Variants in NXPH2 observed in about 807,000 individuals in gnomAD.
The protein encoded by NXPH2 is neurexophilin-2.
NXPH2 carries 5 observed loss-of-function variants against 19.8 expected under a neutral mutation model. The observed-to-expected ratio is 0.25, with a 90% CI of 0.13 to 0.53. The LOEUF (loss-of-function observed/expected upper bound fraction) is 0.53, where lower values mean the gene tolerates loss of function less well. Ranked by LOEUF, NXPH2 falls within the 20% of genes least tolerant of loss-of-function variation. NXPH2 has a pLI of 0.96. For missense variants in NXPH2, 289 were observed against 322.8 expected (o/e 0.90, Z 0.80); for synonymous variants, 154 against 127.4 (o/e 1.21, Z -1.41).
intron 1 of NXPH2, among the ~76,000 whole-genome samples, chr2:138,749,031 A>G (rs555828732): frequency 6.6e-6 from 1 of 152,238 alleles, no homozygotes; most frequent in South Asian, 2.1e-4. Context: ...TTATTTCATT[A>G]GTGATATTGT....
intron 1 of NXPH2, among the ~76,000 whole-genome samples, chr2:138,772,592 C>A (rs1175697601): frequency 6.6e-6 from 1 of 152,196 alleles, no homozygotes; most frequent in Non-Finnish European, 1.5e-5. Context: ...CCACCGCGCC[C>A]GGCCCATGAG....
chr2:138,727,644 C>T (rs547057275), intron 1 of NXPH2, among the ~76,000 whole-genome samples: 20 of 135,974 alleles, frequency 1.5e-4, no homozygotes, highest in Non-Finnish European at 2.4e-4. Context: ...GGATAATAGT[C>T]CTTTATCGGT....
chr2:138,760,021 GC>G (rs1397818890), intron 1 of NXPH2, among the ~76,000 whole-genome samples: 1 of 152,100 alleles, frequency 6.6e-6, no homozygotes, highest in Non-Finnish European at 1.5e-5. Flanking sequence ...GTGCCACAGA[GC>G]CCGGCCGCCA....
chr2:138,757,854 T>G (rs2104837223), intron 1 of NXPH2, among the ~76,000 whole-genome samples: 1 of 150,892 alleles, frequency 6.6e-6, no homozygotes, highest in South Asian at 2.1e-4. Context: ...TCTATCTATC[T>G]ATCTATCTAT....
rs558833211 is a variant in NXPH2 at position 138,671,094 on chromosome 2, G to T, written c.623C>A (p.Ser208Tyr). The T allele has an allele frequency of 6.2e-7, 1 of 1,613,962 alleles. No individual in the cohort carries two copies. Among genetic ancestry groups the T allele is most frequent in the Non-Finnish European group, 8.5e-7 (1 of 1,179,866 alleles). ...AGTCTGCTCCTGGTAGCAGATCTTGGATGGGTCAAAGTTGCACAGGGCGGT... is the reference window on the plus strand; with the variant it reads ...AGTCTGCTCCTGGTAGCAGATCTTGTATGGGTCAAAGTTGCACAGGGCGGT... ...KKTALCNFDP[S>Y]KICYQEQTQS... is the part of the protein sequence containing the mutation. Residue 208 changes from serine to tyrosine, a missense_variant, in exon 2 of 2, where the codon TCC (serine) becomes TAC (tyrosine). Coordinates refer to ENST00000272641, the MANE Select transcript of NXPH2 (RefSeq NM_007226.3).
intron 1 of NXPH2, among the ~76,000 whole-genome samples, chr2:138,770,654 A>T (rs1682162528): frequency 6.6e-6 from 1 of 152,076 alleles, no homozygotes; most frequent in African/African-American, 2.4e-5. Flanking sequence ...TAAACATACA[A>T]AAATAAATAG....
At chr2:138,676,495 C>A (rs1680486070) in intron 1 of NXPH2, among the ~76,000 whole-genome samples, 1 of 152,144 alleles carries the variant, frequency 6.6e-6, no homozygotes. Context: ...CCCATGTATT[C>A]CCAATAGGGA....
Position 138,780,346 on chromosome 2 carries a change from G to C in NXPH2, c.-105C>G, listed in dbSNP as rs1434429313. On this transcript the variant is annotated 5_prime_UTR_variant, in exon 1 of 2. Coordinates refer to ENST00000272641, the MANE Select transcript of NXPH2 (RefSeq NM_007226.3). ...GAGGACGCCAGGGACACAGCGCGGC[G>C]CTTCCCTCCCGGAATCCGAGCGCTG... 40 of 728,824 alleles carry C rather than the reference G, an allele frequency of 5.5e-5. No homozygotes were observed. Among genetic ancestry groups the C allele is most frequent in the Non-Finnish European group, 7.0e-5 (39 of 558,536 alleles). 45.1% of individuals were successfully genotyped at this position (728,824 alleles called of 1,614,324 possible). A position where few individuals can be genotyped will look rare whatever the true frequency, so the allele number is the denominator to read the frequency against.
chr2:138,776,075 A>G (rs1378800748), intron 1 of NXPH2, among the ~76,000 whole-genome samples: 2 of 152,224 alleles, frequency 1.3e-5, no homozygotes, highest in African/African-American at 4.8e-5. Context: ...TGACACATTT[A>G]TATTCATCTT....
At chr2:138,709,591 T>C (rs1460773004) in intron 1 of NXPH2, among the ~76,000 whole-genome samples, 1 of 152,070 alleles carries the variant, frequency 6.6e-6, no homozygotes, top group Admixed American at 6.6e-5. Flanking sequence ...CTATGGGTTT[T>C]GACAAATGTA....
intron 1 of NXPH2, among the ~76,000 whole-genome samples, chr2:138,685,242 C>T (rs1407173270): frequency 1.3e-5 from 2 of 152,208 alleles, no homozygotes; most frequent in Non-Finnish European, 1.5e-5. Flanking sequence ...TGCTGATCTG[C>T]CTATGGATTT....
intron 1 of NXPH2, among the ~76,000 whole-genome samples, chr2:138,672,216 G>A (rs1468326907): frequency 2.0e-5 from 3 of 151,912 alleles, no homozygotes; most frequent in African/African-American, 7.3e-5. Context: ...CATGTGATGA[G>A]GATTAGAAAG....
At chr2:138,768,470 C>T (rs1682126353) in intron 1 of NXPH2, among the ~76,000 whole-genome samples, 2 of 152,152 alleles carry the variant, frequency 1.3e-5, no homozygotes, top group African/African-American at 4.8e-5. Flanking sequence ...CAAGCTAAGG[C>T]GTATGACCCA....
At chr2:138,727,686 T>C (rs1681380689) in intron 1 of NXPH2, among the ~76,000 whole-genome samples, 1 of 150,802 alleles carries the variant, frequency 6.6e-6, no homozygotes, top group East Asian at 2.0e-4. Flanking sequence ...GGGGTTCTTT[T>C]GCAAACATTT....
chr2:138,728,305 C>T (rs190755800), intron 1 of NXPH2, among the ~76,000 whole-genome samples: 31 of 152,322 alleles, frequency 2.0e-4, no homozygotes, highest in African/African-American at 7.2e-4. Context: ...TACTAGGACT[C>T]TGATTCTGGA....
chr2:138,725,279 CT>C (rs1405880474), intron 1 of NXPH2, among the ~76,000 whole-genome samples: 5 of 152,090 alleles, frequency 3.3e-5, no homozygotes, highest in Non-Finnish European at 7.4e-5. Context: ...TCAGCTGATG[CT>C]TTATGTTAAA....
At chr2:138,743,784 C>T (rs1681680989) in intron 1 of NXPH2, among the ~76,000 whole-genome samples, 1 of 151,992 alleles carries the variant, frequency 6.6e-6, no homozygotes, top group African/African-American at 2.4e-5. Flanking sequence ...GGGCAGATCA[C>T]CTGAGGTTAG....
At chr2:138,730,435 A>G (rs1681430201) in intron 1 of NXPH2, among the ~76,000 whole-genome samples, 1 of 152,108 alleles carries the variant, frequency 6.6e-6, no homozygotes, top group South Asian at 2.1e-4. Flanking sequence ...ACTTCAACAT[A>G]TGAATTTTGG....
Position 138,734,529 on chromosome 2 carries a change from T to C in NXPH2, c.51+45662A>G, listed in dbSNP as rs190598705. Among the ~76,000 whole-genome samples, 61 of 151,724 alleles carry C rather than the reference T, an allele frequency of 4.0e-4. 1 individual carries two copies. Among genetic ancestry groups the C allele is most frequent in the Admixed American group, 1.8e-3 (27 of 15,240 alleles). ...AGGGAAAGCTTTAAGGAGAAGGGAG[T>C]ACTTGAGCTGAATTTTAAAAAAGGA... On this transcript the variant is annotated intron_variant, in intron 1 of 1. Transcript: ENST00000272641.
Sources: allele counts gnomAD v4.1 joint callset (sites outside exome capture counted in the v4.1 genomes callset), GRCh38; gene constraint gnomAD v4.1.1; transcripts MANE v1.5; gene names NCBI Gene and HGNC (gene_info 2026-07-23, HGNC 2026-07-21).